DDX10: variants seen among roughly 807,000 people sequenced by gnomAD.
The protein encoded by DDX10 is DEAD-box helicase 10.
Under a neutral mutation model 104.3 loss-of-function variants are expected in DDX10, and 74 were observed. The ratio of observed to expected loss-of-function variants is 0.71; its 90% CI spans 0.59 to 0.86. The LOEUF (loss-of-function observed/expected upper bound fraction) is 0.86, where lower values mean the gene tolerates loss of function less well. Among genes scored for constraint, DDX10 ranks in the 40% least tolerant of loss-of-function variants. The pLI is 0.00. For missense variants in DDX10, 952 were observed against 1,040.0 expected (o/e 0.92, Z 1.16); for synonymous variants, 351 against 353.4 (o/e 0.99, Z 0.08).
At chr11:108,904,150 A>G (rs1156665066) in intron 16 of DDX10, among the ~76,000 whole-genome samples, 2 of 152,130 alleles carry the variant, frequency 1.3e-5, no homozygotes, top group Admixed American at 6.6e-5. Context: ...TTTATTTAAA[A>G]CCAGTGAGTT....
intron 13 of DDX10, among the ~76,000 whole-genome samples, chr11:108,793,454 A>G (rs185768469): frequency 1.3e-5 from 2 of 152,124 alleles, no homozygotes; most frequent in Non-Finnish European, 2.9e-5. Flanking sequence ...AGTATATTTC[A>G]TGACTTGACC....
At chr11:108,687,708 T>C (rs909028130) in intron 6 of DDX10, among the ~76,000 whole-genome samples, 2 of 152,242 alleles carry the variant, frequency 1.3e-5, no homozygotes, top group African/African-American at 4.8e-5. Context: ...TTTGCAAATA[T>C]TTTTCTCCAT....
chr11:108,742,285 A>T (rs753698864), intron 13 of DDX10, among the ~76,000 whole-genome samples: 6 of 150,134 alleles, frequency 4.0e-5, no homozygotes, highest in African/African-American at 7.4e-5. Context: ...CAAAAAAAAA[A>T]CCCTGGGCAT....
intron 9 of DDX10, among the ~76,000 whole-genome samples, chr11:108,701,173 A>G (rs1288398765): frequency 6.6e-6 from 1 of 152,070 alleles, no homozygotes; most frequent in Non-Finnish European, 1.5e-5. Context: ...CAGACATTCC[A>G]TAAGTCAGAG....
At chr11:108,787,529 T>G (rs940204318) in intron 13 of DDX10, among the ~76,000 whole-genome samples, 1 of 151,626 alleles carries the variant, frequency 6.6e-6, no homozygotes, top group Non-Finnish European at 1.5e-5. Flanking sequence ...CTCAGTGGTG[T>G]TTTTTTTAAT....
chr11:108,795,118 C>A (rs988597007), intron 13 of DDX10, among the ~76,000 whole-genome samples: 12 of 151,992 alleles, frequency 7.9e-5, no homozygotes, highest in African/African-American at 2.9e-4. Flanking sequence ...TGTGAGCCAC[C>A]ACACCTGGCC....
chr11:108,911,385 G>A (rs1213330941), intron 16 of DDX10, among the ~76,000 whole-genome samples: 1 of 151,896 alleles, frequency 6.6e-6, no homozygotes, highest in Admixed American at 6.6e-5. Context: ...GCAGATACAG[G>A]GTCTGGTAAG....
Position 108,679,461 on chromosome 11 carries a change from T to G in DDX10, c.749T>G (p.Leu250Ter). 1 of 1,613,916 alleles carries G rather than the reference T, an allele frequency of 6.2e-7. No individual in the cohort carries two copies. Among genetic ancestry groups the G allele is most frequent in the Non-Finnish European group, 8.5e-7 (1 of 1,179,968 alleles). The change falls in exon 6 of 18, where the codon TTA becomes TGA. Residue 250 changes from leucine (L) to a stop codon, truncating the protein, a stop_gained. Transcript: ENST00000322536. LOFTEE classifies it high-confidence loss of function. ...IENLPKKRQT[L>*]LFSATQTKSV... Reference sequence around the variant, plus strand: ...AATCTCCCCAAGAAACGTCAGACTTTACTTTTCTCAGCAACACAAACTAAA... The same window carrying G: ...AATCTCCCCAAGAAACGTCAGACTTGACTTTTCTCAGCAACACAAACTAAA...
chr11:108,824,984 A>C (rs1413495401), intron 13 of DDX10, among the ~76,000 whole-genome samples: 1 of 152,226 alleles, frequency 6.6e-6, no homozygotes, highest in African/African-American at 2.4e-5. Context: ...TTAAGACAAT[A>C]AATAAATGAA....
At chr11:108,915,821 T>C (rs929439124) in intron 16 of DDX10, among the ~76,000 whole-genome samples, 4 of 152,084 alleles carry the variant, frequency 2.6e-5, no homozygotes, top group Non-Finnish European at 4.4e-5. Flanking sequence ...CAAATACCTA[T>C]CTGTGAGAGG....
At chr11:108,720,387 T>C (rs895133827) in intron 12 of DDX10, among the ~76,000 whole-genome samples, 1 of 152,172 alleles carries the variant, frequency 6.6e-6, no homozygotes, top group Non-Finnish European at 1.5e-5. Context: ...ACCATAGACA[T>C]TTTATGCTTT....
intron 16 of DDX10, among the ~76,000 whole-genome samples, chr11:108,863,710 C>T (rs998364999): frequency 3.9e-5 from 6 of 152,082 alleles, no homozygotes; most frequent in African/African-American, 9.7e-5. Flanking sequence ...GATTTTTGCC[C>T]CACTCAGTAG....
At chr11:108,798,847 A>G (rs906201792) in intron 13 of DDX10, among the ~76,000 whole-genome samples, 3 of 151,098 alleles carry the variant, frequency 2.0e-5, no homozygotes, top group Non-Finnish European at 4.4e-5. Context: ...TTTTTCCTTT[A>G]CAGTCTTTGT....
chr11:108,775,197 G>C (rs1357953621), intron 13 of DDX10, among the ~76,000 whole-genome samples: 3 of 152,224 alleles, frequency 2.0e-5, no homozygotes, highest in Non-Finnish European at 4.4e-5. Flanking sequence ...AGGAAACATT[G>C]TGAATATCAG....
chr11:108,743,754 A>G (rs1368358883), intron 13 of DDX10, among the ~76,000 whole-genome samples: 4 of 152,066 alleles, frequency 2.6e-5, no homozygotes, highest in Non-Finnish European at 5.9e-5. Context: ...ATGGCTGTGT[A>G]CTTCTTCAGC....
chr11:108,699,055 A>T (rs1380977548), intron 9 of DDX10, among the ~76,000 whole-genome samples: 2 of 152,164 alleles, frequency 1.3e-5, no homozygotes, highest in African/African-American at 4.8e-5. Context: ...TGGAGTATTT[A>T]CTTAGTATAT....
chr11:108,748,037 G>C (rs542464424), intron 13 of DDX10, among the ~76,000 whole-genome samples: 1 of 152,134 alleles, frequency 6.6e-6, no homozygotes, highest in South Asian at 2.1e-4. Context: ...TATAAACTTT[G>C]GACACAGTAT....
intron 10 of DDX10, among the ~76,000 whole-genome samples, chr11:108,714,762 C>T (rs2094289199): frequency 6.6e-6 from 1 of 152,062 alleles, no homozygotes; most frequent in Admixed American, 6.5e-5. Context: ...TGTATTGGCG[C>T]TGTTGAAACA....
chr11:108,888,022 T>C (rs1015392798), intron 16 of DDX10, among the ~76,000 whole-genome samples: 1 of 151,780 alleles, frequency 6.6e-6, no homozygotes, highest in Admixed American at 6.6e-5. Flanking sequence ...TCAGAGGAAA[T>C]GGGTATTACT....
Sources: allele counts gnomAD v4.1 joint callset (sites outside exome capture counted in the v4.1 genomes callset), GRCh38; gene constraint gnomAD v4.1.1; transcripts MANE v1.5; gene names NCBI Gene and HGNC (gene_info 2026-07-23, HGNC 2026-07-21).